Variants in ATG7 observed in about 807,000 individuals in gnomAD.
ATG7 encodes ubiquitin-like modifier-activating enzyme ATG7.
ATG7 carries 70 observed loss-of-function variants against 82.4 expected under a neutral mutation model. The observed-to-expected ratio is 0.85, with a 90% CI of 0.70 to 1.04. The LOEUF is 1.04. Ranked by LOEUF, ATG7 falls within the 50% of genes least tolerant of loss-of-function variation. The pLI is 0.00. For synonymous variants in ATG7, 287 were observed against 313.0 expected, an observed-to-expected ratio of 0.92 and a Z score of 0.88; for missense variants, 792 against 864.3, an observed-to-expected ratio of 0.92 and a Z score of 1.05.
chr3:11,279,454 G>T (rs1942586977), intron 1 of ATG7, among the ~76,000 whole-genome samples: 1 of 152,226 alleles, frequency 6.6e-6, no homozygotes, highest in Non-Finnish European at 1.5e-5. Context: ...GGGAGGCCGA[G>T]GCGGGTGGAT....
intron 19 of ATG7, among the ~76,000 whole-genome samples, chr3:11,390,546 CTG>C (rs1559522260): frequency 1.3e-5 from 2 of 152,192 alleles, no homozygotes; most frequent in African/African-American, 2.4e-5. Flanking sequence ...CTGGAGGAGA[CTG>C]TATGTTTCTG....
chr3:11,324,522 C>A (rs1312763590), intron 9 of ATG7, among the ~76,000 whole-genome samples: 3 of 152,190 alleles, frequency 2.0e-5, no homozygotes, highest in Admixed American at 2.0e-4. Context: ...CATTTTCAAG[C>A]TGACCTGCTT....
At chr3:11,549,120 C>A (rs2071546532) in intron 20 of ATG7, among the ~76,000 whole-genome samples, 1 of 152,088 alleles carries the variant, frequency 6.6e-6, no homozygotes, top group Non-Finnish European at 1.5e-5. Context: ...AATACACCCA[C>A]TTTAAGTGTC....
intron 19 of ATG7, among the ~76,000 whole-genome samples, chr3:11,394,347 G>A (rs559988922): frequency 6.6e-6 from 1 of 152,304 alleles, no homozygotes; most frequent in African/African-American, 2.4e-5. Flanking sequence ...TCTTACTGAA[G>A]TCACCTTAAG....
At chr3:11,386,444 A>G (rs1051128358) in intron 19 of ATG7, among the ~76,000 whole-genome samples, 1 of 152,148 alleles carries the variant, frequency 6.6e-6, no homozygotes, top group African/African-American at 2.4e-5. Flanking sequence ...TTCCTACTAT[A>G]AGGGATTTAT....
At chr3:11,293,224 CTTG>C (rs1326838463) in intron 3 of ATG7, among the ~76,000 whole-genome samples, 3 of 152,054 alleles carry the variant, frequency 2.0e-5, no homozygotes, top group Admixed American at 6.6e-5. Context: ...ACAGACAGAA[CTTG>C]TTGTAGAAAG....
At chr3:11,295,333 T>A (rs1408817603) in intron 3 of ATG7, among the ~76,000 whole-genome samples, 2 of 152,224 alleles carry the variant, frequency 1.3e-5, no homozygotes, top group Admixed American at 1.3e-4. Context: ...TCAGTTTTTT[T>A]AAGACCTTGT....
chr3:11,313,374 T>A lies in ATG7; in HGVS notation c.482T>A (p.Leu161His), dbSNP rs770308401. 3 of 1,613,144 alleles carry A rather than the reference T, an allele frequency of 1.9e-6. No homozygotes were observed. The highest frequency in any genetic ancestry group is 2.5e-6 in the Non-Finnish European group (3 of 1,179,472). Residue 161 changes from leucine to histidine, a missense_variant, in exon 8 of 21, where the codon CTC becomes CAC. Transcript: ENST00000693202. ...CTCTGTCTTCCAGAGAGTTTACCTC[T>A]CATTCAGGGGCCAGTGGGTTTGGAT... ...PALCLPESLPLIQGPVGLDQR... is the reference protein window; with the variant it reads ...PALCLPESLPHIQGPVGLDQR...
chr3:11,340,142 T>C (rs1311738072), intron 11 of ATG7, among the ~76,000 whole-genome samples: 1 of 152,126 alleles, frequency 6.6e-6, no homozygotes, highest in East Asian at 1.9e-4. Context: ...CTTAATCAAA[T>C]GACAGTCACC....
chr3:11,563,101 C>A, the ATG7 span, among the ~76,000 whole-genome samples: 1 of 152,240 alleles, frequency 6.6e-6, no homozygotes, highest in Non-Finnish European at 1.5e-5. Context: ...GGAAATAAAT[C>A]ATCCAAGAAC....
intron 3 of ATG7, among the ~76,000 whole-genome samples, chr3:11,291,503 G>T (rs550611096): frequency 1.3e-5 from 2 of 152,186 alleles, no homozygotes. Context: ...CTCTGGGCAA[G>T]TTACTTAAGC....
At chr3:11,549,156 T>A (rs2071550826) in intron 20 of ATG7, among the ~76,000 whole-genome samples, 1 of 152,230 alleles carries the variant, frequency 6.6e-6, no homozygotes, top group African/African-American at 2.4e-5. Context: ...TGACAAATTA[T>A]CTACTTCCTG....
intron 20 of ATG7, among the ~76,000 whole-genome samples, chr3:11,456,835 C>T (rs1452480068): frequency 6.6e-6 from 1 of 152,176 alleles, no homozygotes; most frequent in Non-Finnish European, 1.5e-5. Context: ...GTACCCTTTT[C>T]TGAAAGTGCT....
At chr3:11,519,558 T>G (rs1264502133) in intron 20 of ATG7, among the ~76,000 whole-genome samples, 2 of 105,994 alleles carry the variant, frequency 1.9e-5, no homozygotes, top group Non-Finnish European at 3.6e-5. Context: ...TTTTTTTTTT[T>G]TTTTTTTTTT....
chr3:11,341,554 T>G (rs920706926), intron 12 of ATG7, among the ~76,000 whole-genome samples: 17 of 150,860 alleles, frequency 1.1e-4, no homozygotes, highest in African/African-American at 3.9e-4. Flanking sequence ...TTCAAGTGAA[T>G]CTCCTGCCTC....
intron 20 of ATG7, chr3:11,477,369 A>G: frequency 8.5e-6 from 9 of 1,053,278 alleles, no homozygotes; most frequent in South Asian, 8.3e-5. Context: ...AAGTTTCTCC[A>G]TGTGCTGTGA....
chr3:11,501,176 C>T (rs2091292714), intron 20 of ATG7, among the ~76,000 whole-genome samples: 1 of 152,194 alleles, frequency 6.6e-6, no homozygotes, highest in African/African-American at 2.4e-5. Context: ...ATCACTTGAT[C>T]CTGGGAAGTT....
chr3:11,283,599 A>G (rs1943441603), intron 3 of ATG7, among the ~76,000 whole-genome samples: 1 of 152,088 alleles, frequency 6.6e-6, no homozygotes, highest in Admixed American at 6.5e-5. Context: ...TGACTGCATT[A>G]CATTACCTCT....
At chr3:11,451,833 C>T (rs549794225) in intron 20 of ATG7, among the ~76,000 whole-genome samples, 88 of 146,938 alleles carry the variant, frequency 6.0e-4, no homozygotes, top group African/African-American at 2.2e-3. Context: ...CCCTGTCTCT[C>T]TCTATCTCTC....
Sources: allele counts gnomAD v4.1 joint callset (sites outside exome capture counted in the v4.1 genomes callset), GRCh38; gene constraint gnomAD v4.1.1; transcripts MANE v1.5; gene names NCBI Gene and HGNC (gene_info 2026-07-23, HGNC 2026-07-21).